Variants in DHX8 observed in about 807,000 individuals in gnomAD.
The protein encoded by DHX8 is ATP-dependent RNA helicase DHX8.
DHX8 carries 67 observed loss-of-function variants against 140.7 expected under a neutral mutation model. That is an observed-to-expected ratio of 0.48 (90% CI 0.39 to 0.58). The LOEUF is 0.58. Ranked by LOEUF, DHX8 falls within the 20% of genes least tolerant of loss-of-function variation. DHX8 has a pLI of 0.00. For missense variants in DHX8, 887 were observed against 1,550.7 expected (o/e 0.57, Z 7.19); for synonymous variants, 533 against 553.2 (o/e 0.96, Z 0.51).
chr17:43,530,027 T>A (rs535722321), downstream of DHX8: 522 of 1,609,802 alleles, frequency 3.2e-4, 1 homozygote, highest in Middle Eastern at 5.0e-4. Context: ...GAGGGACTCC[T>A]GGCCAGGGAG....
At chr17:43,501,705 G>A (rs1211736773) in intron 11 of DHX8, among the ~76,000 whole-genome samples, 2 of 148,854 alleles carry the variant, frequency 1.3e-5, no homozygotes, top group Non-Finnish European at 3.0e-5. Flanking sequence ...GGCTGGTCTC[G>A]AACTCGCGAC....
chr17:43,516,130 T>A (rs1350709877), intron 17 of DHX8, among the ~76,000 whole-genome samples: 1 of 152,216 alleles, frequency 6.6e-6, no homozygotes, highest in Non-Finnish European at 1.5e-5. Context: ...TCTTTCATGG[T>A]TGCAATTTTA....
intron 2 of DHX8, among the ~76,000 whole-genome samples, chr17:43,490,180 T>C (rs1968421404): frequency 2.0e-5 from 3 of 152,190 alleles, no homozygotes; most frequent in Admixed American, 1.3e-4. Flanking sequence ...CTAATAACTT[T>C]TCTCCCCAAA....
downstream of DHX8, chr17:43,528,587 G>T (rs770702451): frequency 3.1e-6 from 5 of 1,614,080 alleles, no homozygotes; most frequent in Non-Finnish European, 3.4e-6. Flanking sequence ...AGGTAGGCGG[G>T]GCTCTCATCC....
At chr17:43,535,672 T>C (rs1436042424) in intron 2 of DHX8, among the ~76,000 whole-genome samples, 1 of 152,226 alleles carries the variant, frequency 6.6e-6, no homozygotes, top group Non-Finnish European at 1.5e-5. Context: ...CATCATAGGA[T>C]GCTTTTAGCA....
At chr17:43,506,872 G>T (rs1335410063) in intron 12 of DHX8, 131 bp from the exon 13 acceptor site, 9 of 626,292 alleles carry the variant, frequency 1.4e-5, no homozygotes, top group Admixed American at 3.7e-5. Context: ...CTTTTCTTTG[G>T]TGTTAGAATA....
chr17:43,543,296 T>TCTCTCTCTCTCTCTCA (rs888736657), intron 3 of DHX8, among the ~76,000 whole-genome samples: 18,107 of 142,658 alleles, frequency 0.13, 1,262 homozygotes, highest in Non-Finnish European at 0.16. Context: ...TCTCTCTCTC[T>TCTCTCTCTCTCTCTCA]CACACACACA....
intron 2 of DHX8, among the ~76,000 whole-genome samples, chr17:43,531,878 T>A (rs1970955512): frequency 6.6e-6 from 1 of 152,214 alleles, no homozygotes; most frequent in Non-Finnish European, 1.5e-5. Context: ...ATTTCCCAAC[T>A]CTGCACACTC....
intron 16 of DHX8, among the ~76,000 whole-genome samples, chr17:43,509,237 C>G (rs1969668383): frequency 6.6e-6 from 1 of 152,058 alleles, no homozygotes; most frequent in Non-Finnish European, 1.5e-5. Context: ...CTAAGGTAGT[C>G]CTGGAGAACT....
chr17:43,542,527 C>T (rs1971575949), intron 3 of DHX8, among the ~76,000 whole-genome samples: 1 of 152,134 alleles, frequency 6.6e-6, no homozygotes, highest in African/African-American at 2.4e-5. Flanking sequence ...CTCCCTGTAG[C>T]AGCCTGATTC....
At chr17:43,526,466 G>A (rs148034208), downstream of DHX8, 40 of 1,535,294 alleles carry the variant, frequency 2.6e-5, no homozygotes, top group Middle Eastern at 3.5e-4. Flanking sequence ...CCGCCTGGAC[G>A]TGATTTGGCT....
intron 18 of DHX8, chr17:43,518,768 C>T (rs1457419988): frequency 1.3e-5 from 2 of 152,198 alleles, no homozygotes; most frequent in African/African-American, 4.8e-5. Context: ...CCCCCTTCCT[C>T]TATCCCTTGG....
At chr17:43,528,637 C>T (rs754077603), downstream of DHX8, 12 of 1,614,128 alleles carry the variant, frequency 7.4e-6, no homozygotes, top group Non-Finnish European at 1.0e-5. Context: ...ACTGACAGGC[C>T]GGTCAAACTC....
In DHX8 at chr17:43,484,178, G is replaced by A; in HGVS notation, c.141G>A (p.Lys47=). ...ELDNHLGIND[K]DLAEFVISLA... is the part of the protein sequence containing the mutation. Reference sequence around the variant, plus strand: ...ACAATCACTTGGGGATCAACGACAAGGACCTTGGTGAGCTCGGGGAGGTCC... The same window carrying A: ...ACAATCACTTGGGGATCAACGACAAAGACCTTGGTGAGCTCGGGGAGGTCC... Residue 47 remains lysine, a synonymous_variant, in exon 1 of 23, where the codon AAG becomes AAA. Coordinates refer to ENST00000262415, the MANE Select transcript of DHX8 (RefSeq NM_004941.3). 6.2e-7 allele frequency: 1 copy of A among 1,613,916 alleles called. No homozygotes were observed. The highest frequency in any genetic ancestry group is 8.5e-7 in the Non-Finnish European group (1 of 1,179,886).
At chr17:43,489,386 C>A (rs1327575382) in intron 1 of DHX8, 63 bp from the exon 2 acceptor site, 5 of 1,149,428 alleles carry the variant, frequency 4.3e-6, no homozygotes, top group Non-Finnish European at 5.1e-6. Flanking sequence ...TTGTTTTCAC[C>A]ATACTTGAAA....
At chr17:43,510,784 T>C (rs926527877) in intron 16 of DHX8, among the ~76,000 whole-genome samples, 2 of 152,138 alleles carry the variant, frequency 1.3e-5, no homozygotes, top group African/African-American at 4.8e-5. Context: ...TCTACCCCCA[T>C]TTACTCCTCT....
intron 2 of DHX8, chr17:43,533,215 G>A: frequency 1.2e-6 from 2 of 1,613,482 alleles, no homozygotes; most frequent in South Asian, 1.1e-5. Flanking sequence ...CCATGGCCAG[G>A]GTGGGGCTGG....
At chr17:43,541,100 A>G (rs2154587251) in intron 3 of DHX8, among the ~76,000 whole-genome samples, 1 of 152,194 alleles carries the variant, frequency 6.6e-6, no homozygotes, top group African/African-American at 2.4e-5. Flanking sequence ...TTCCTCCAGC[A>G]CACAGACCAC....
chr17:43,526,429 G>T (rs1970619718), downstream of DHX8: 1 of 1,531,146 alleles, frequency 6.5e-7, no homozygotes, highest in Non-Finnish European at 8.7e-7. Flanking sequence ...AGCTGGGTCA[G>T]GCTCCTCGGT....
Sources: gnomAD v4.1 joint callset for allele counts (sites outside exome capture counted in the v4.1 genomes callset) on GRCh38, gnomAD v4.1.1 for gene constraint, MANE v1.5 for transcripts, NCBI Gene and HGNC (gene_info 2026-07-23, HGNC 2026-07-21) for gene names.